MPDZ: variants seen among roughly 807,000 people sequenced by gnomAD.
MPDZ encodes multiple PDZ domain crumbs cell polarity complex component.
In MPDZ, 234 loss-of-function variants were observed where a neutral mutation model predicts 239.1. The observed-to-expected ratio is 0.98, with a 90% confidence interval of 0.88 to 1.09. The LOEUF is 1.09. MPDZ is among the 50% of genes least tolerant of loss of function. MPDZ has a pLI of 0.00. For synonymous variants in MPDZ, 1,048 were observed against 881.3 expected (o/e 1.19, Z -3.35); for missense variants, 3,175 against 2,510.0 (o/e 1.26, Z -5.66).
chr9:13,251,342 C>T (rs76112401), intron 1 of MPDZ, among the ~76,000 whole-genome samples: 2,858 of 152,166 alleles, frequency 0.019, 98 homozygotes, highest in African/African-American at 0.065. Flanking sequence ...ATCTTCTCAA[C>T]TCCTTCAATC....
chr9:13,212,473 C>T (rs1044764992), intron 10 of MPDZ, among the ~76,000 whole-genome samples: 5 of 151,878 alleles, frequency 3.3e-5, no homozygotes, highest in Non-Finnish European at 7.4e-5. Context: ...CAAGGCTTTT[C>T]TGGGAGAGGT....
chr9:13,148,761 ACT>A (rs1948763412), intron 25 of MPDZ, among the ~76,000 whole-genome samples: 1 of 151,754 alleles, frequency 6.6e-6, no homozygotes, highest in Admixed American at 6.6e-5. Context: ...ATTTTGAGAA[ACT>A]CTTAGCAGAG....
chr9:13,126,353 T>C (rs1945112288), intron 34 of MPDZ, among the ~76,000 whole-genome samples, 163 bp downstream of exon 34: 1 of 152,136 alleles, frequency 6.6e-6, no homozygotes, highest in Admixed American at 6.5e-5. Flanking sequence ...AACTGGAAAA[T>C]AAGAAATAGA....
Position 13,162,722 on chromosome 9 carries a change from C to A in MPDZ, c.3328G>T (p.Ala1110Ser). Residue 1110 changes from alanine (A) to serine (S), a missense_variant, in exon 23 of 47, where the codon GCA (alanine) becomes TCA (serine). Transcript: ENST00000319217. ...GTGTATGAAGAAAAAATATCCAGTGCCATTACTCTTCCAGATTGTTGTCCC... is the reference window on the plus strand; with the variant it reads ...GTGTATGAAGAAAAAATATCCAGTGACATTACTCTTCCAGATTGTTGTCCC... ...SLGQQSGRVM[A>S]LDIFSSYTGR... 1 of 1,610,622 alleles carries A rather than the reference C, an allele frequency of 6.2e-7. No homozygotes were observed. The highest frequency in any genetic ancestry group is 1.1e-5 in the South Asian group (1 of 90,686).
intron 10 of MPDZ, among the ~76,000 whole-genome samples, chr9:13,214,234 C>G (rs977519197): frequency 6.6e-6 from 1 of 151,892 alleles, no homozygotes; most frequent in Non-Finnish European, 1.5e-5. Context: ...GAATATTATT[C>G]AGCAATAAAG....
At chr9:13,123,034 T>C (rs1944589105) in intron 36 of MPDZ, 119 bp downstream of exon 36, 11 of 1,060,938 alleles carry the variant, frequency 1.0e-5, no homozygotes, top group Non-Finnish European at 1.4e-5. Context: ...AAATAACAAA[T>C]ACAGGTTTTT....
At chr9:13,216,718 G>A (rs559399335) in intron 10 of MPDZ, 56 bp downstream of exon 10, 2 of 1,313,882 alleles carry the variant, frequency 1.5e-6, no homozygotes, top group Non-Finnish European at 2.2e-6. Flanking sequence ...TAAACTAGGA[G>A]AATACAATTC....
At chr9:13,243,723 T>C (rs1037459344) in intron 3 of MPDZ, among the ~76,000 whole-genome samples, 3 of 152,232 alleles carry the variant, frequency 2.0e-5, no homozygotes, top group African/African-American at 4.8e-5. Context: ...AGAGTTGTCA[T>C]AAAATTTCCA....
At chr9:13,210,719 C>T (rs1462591306) in intron 10 of MPDZ, among the ~76,000 whole-genome samples, 4 of 152,008 alleles carry the variant, frequency 2.6e-5, no homozygotes, top group Non-Finnish European at 4.4e-5. Context: ...AATGATGGGA[C>T]TCAAAAGAGA....
At chr9:13,259,545 G>A (rs1200015529) in intron 1 of MPDZ, among the ~76,000 whole-genome samples, 1 of 152,058 alleles carries the variant, frequency 6.6e-6, no homozygotes. Context: ...TAAAATACAA[G>A]AACACAAAGG....
chr9:13,134,941 T>G (rs1464731380), intron 31 of MPDZ: 1 of 152,332 alleles, frequency 6.6e-6, no homozygotes, highest in East Asian at 1.9e-4. Flanking sequence ...TCCTTACTGT[T>G]GCTACCACAT....
chr9:13,118,629 A>C (rs1943866904), intron 39 of MPDZ, among the ~76,000 whole-genome samples: 1 of 152,232 alleles, frequency 6.6e-6, no homozygotes, highest in Admixed American at 6.5e-5. Context: ...TAGGTTAAAA[A>C]AACAAAACAA....
At chr9:13,122,647 A>G (rs2131642107) in intron 36 of MPDZ, among the ~76,000 whole-genome samples, 1 of 151,972 alleles carries the variant, frequency 6.6e-6, no homozygotes, top group Admixed American at 6.6e-5. Context: ...CAACCTCCCA[A>G]GTAGCTGGGA....
chr9:13,252,562 C>A (rs954843533), intron 1 of MPDZ, among the ~76,000 whole-genome samples: 7 of 91,126 alleles, frequency 7.7e-5, no homozygotes, highest in South Asian at 5.6e-4. Flanking sequence ...GAGACTCTGT[C>A]CCCCGCAAAA....
chr9:13,198,030 C>G (rs1380474030), intron 12 of MPDZ, among the ~76,000 whole-genome samples: 1 of 152,034 alleles, frequency 6.6e-6, no homozygotes, highest in Non-Finnish European at 1.5e-5. Context: ...ATATCTTAGC[C>G]ATAGTGAACA....
chr9:13,122,910 T>C (rs574425564), intron 36 of MPDZ, among the ~76,000 whole-genome samples: 1 of 152,302 alleles, frequency 6.6e-6, no homozygotes, highest in South Asian at 2.1e-4. Flanking sequence ...AGAAACACTT[T>C]GAAATTTCAA....
intron 42 of MPDZ, among the ~76,000 whole-genome samples, 191 bp downstream of exon 42, chr9:13,112,820 G>A (rs1028610372): frequency 6.6e-6 from 1 of 152,132 alleles, no homozygotes; most frequent in African/African-American, 2.4e-5. Context: ...TGCAAACAAC[G>A]ATTTTTCAAA....
At chr9:13,136,318 ACGTTTT>A (rs1313821039) in intron 30 of MPDZ, 136 bp from the exon 31 acceptor site, 16 of 283,330 alleles carry the variant, frequency 5.6e-5, no homozygotes, top group South Asian at 1.4e-4. Context: ...AAATTTACAA[ACGTTTT>A]CTTTTTTTTT....
At chr9:13,169,290 T>C (rs186020205) in intron 21 of MPDZ, among the ~76,000 whole-genome samples, 3 of 152,252 alleles carry the variant, frequency 2.0e-5, no homozygotes, top group Admixed American at 2.0e-4. Context: ...AAATGCAATC[T>C]TAGCATGTAT....
Sources: allele counts gnomAD v4.1 joint callset (sites outside exome capture counted in the v4.1 genomes callset), GRCh38; gene constraint gnomAD v4.1.1; transcripts MANE v1.5; gene names NCBI Gene and HGNC (gene_info 2026-07-23, HGNC 2026-07-21).